NKX2-1: variants seen among roughly 807,000 people sequenced by gnomAD.
The protein encoded by NKX2-1 is homeobox protein Nkx-2.1.
Under a neutral mutation model 35.1 loss-of-function variants are expected in NKX2-1, and 9 were observed. That is an observed-to-expected ratio of 0.26 (90% CI 0.15 to 0.45). NKX2-1 has a LOEUF of 0.45. Among genes scored for constraint, NKX2-1 ranks in the 20% least tolerant of loss-of-function variants. The pLI is 1.00. For synonymous variants in NKX2-1, 284 were observed against 269.9 expected (o/e 1.05, Z -0.51); for missense variants, 509 against 589.1 (o/e 0.86, Z 1.41).
At chr14:36,518,764 A>G (rs543154984) in intron 2 of NKX2-1, among the ~76,000 whole-genome samples, 1 of 152,198 alleles carries the variant, frequency 6.6e-6, no homozygotes, top group East Asian at 1.9e-4. Context: ...GAGTACCCGC[A>G]TCTGACCGCA....
rs1432909589 is a variant in NKX2-1 at position 36,517,048 on chromosome 14, G to A, written c.*230C>T. The A allele has an allele frequency of 2.4e-6, 2 of 838,732 alleles. No individual in the cohort carries two copies. The highest frequency in any genetic ancestry group is 3.3e-5 in the Admixed American group (1 of 30,014). 52.0% of individuals were successfully genotyped at this position (838,732 alleles called of 1,614,324 possible). A position where few individuals can be genotyped will look rare whatever the true frequency, so the allele number is the denominator to read the frequency against. Reference sequence around the variant, plus strand: ...TCCTTGAGATTGGATGCGCTTGGTTGTTTTTCATTTTCTTTTTTTAAAAAA... The same window carrying A: ...TCCTTGAGATTGGATGCGCTTGGTTATTTTTCATTTTCTTTTTTTAAAAAA... On this transcript the variant is annotated 3_prime_UTR_variant, in exon 3 of 3. Coordinates refer to ENST00000354822, the MANE Select transcript of NKX2-1 (RefSeq NM_001079668.3).
Position 36,519,125 on chromosome 14 carries a change from A to G in NKX2-1, c.323T>C (p.Leu108Pro), listed in dbSNP as rs2139411918. Residue 108 changes from leucine to proline, a missense_variant, in exon 2 of 3, where the codon CTC becomes CCC. This residue lies in a region of NKX2-1 where 271 missense variants were observed against 284.1 expected (regional missense o/e 0.95). Coordinates refer to ENST00000354822, the MANE Select transcript of NKX2-1 (RefSeq NM_001079668.3). ...YHMTAAGVPQ[L>P]SHSAVGGYCN... ...GTAGCCCCCCACGGCGGAGTGCGAG[A>G]GCTGGGGCACCCCCGCCGCCGTCAT... The G allele has an allele frequency of 6.2e-7, 1 of 1,606,466 alleles. No homozygotes were observed. Among genetic ancestry groups the G allele is most frequent in the South Asian group, 1.1e-5 (1 of 90,898 alleles).
At position 36,517,531 on chromosome 14, in the gene NKX2-1, T is replaced by C; in HGVS notation, c.953A>G (p.Gln318Arg). 1 of 1,418,580 alleles carries C rather than the reference T, an allele frequency of 7.0e-7. No homozygotes were observed. The highest frequency in any genetic ancestry group is 9.1e-7 in the Non-Finnish European group (1 of 1,094,382). The allele number at this position is 1,418,580 out of a possible 1,614,324, so 87.9% of individuals were successfully genotyped here. A position where few individuals can be genotyped will look rare whatever the true frequency, so the allele number is the denominator to read the frequency against. ...GAASLQGHAQ[Q>R]QAQHQAQAAQ... ...GGCCTGCGCCTGGTGCTGCGCCTGC[T>C]GCTGCGCGTGGCCTTGTAGGCTGGC... Residue 318 changes from glutamine to arginine, a missense_variant, in exon 3 of 3, where the codon CAG (glutamine) becomes CGG (arginine). By Grantham distance (43) the Gln-to-Arg change is conservative. Transcript: ENST00000354822.
rs1356920762 is a variant in NKX2-1, at chr14:36,517,121, G to T, written c.*157C>A. 52 of 1,319,198 alleles carry T rather than the reference G, an allele frequency of 3.9e-5. 1 individual carries two copies. The South Asian group carries it at 7.5e-4, about 19-fold the overall frequency. 81.7% of individuals were successfully genotyped at this position (1,319,198 alleles called of 1,614,324 possible). ...GGGAAAAAAAGAAAGACGTCCAGCA[G>T]TTTGGCCTTTGTGGTTTTTTTGTTC... On this transcript the variant is annotated 3_prime_UTR_variant, in exon 3 of 3. Transcript: ENST00000354822.
rs1064796655 is a variant in NKX2-1, at chr14:36,517,508, CCTGCGCCTGGTG to C, written c.964_975del (p.His322_Gln325del). ...ATGGCCGCTGCCGCCGCCTGCGCGG[CCTGCGCCTGGTG>C]CTGCGCCTGCTGCTGCGCGTGGCCT... On this transcript the variant is annotated inframe_deletion, in exon 3 of 3. Coordinates refer to ENST00000354822, the MANE Select transcript of NKX2-1 (RefSeq NM_001079668.3). The C allele has an allele frequency of 8.8e-6, 12 of 1,361,216 alleles. No homozygotes were observed. Among genetic ancestry groups the C allele is most frequent in the Middle Eastern group, 2.7e-4 (1 of 3,688 alleles). The allele number at this position is 1,361,216 out of a possible 1,614,324, so 84.3% of individuals were successfully genotyped here.
At position 36,517,092 on chromosome 14, in the gene NKX2-1, G is replaced by GGGT. The variant is rs1881056740; in HGVS notation, c.*185_*186insACC. The stretch of plus-strand genomic sequence containing the variant: ...TAAAAAAAAAAACCCACAAATTTTA[G>GGGT]GGGGGGAAAAAAAGAAAGACGTCCA... On this transcript the variant is annotated 3_prime_UTR_variant, in exon 3 of 3. Transcript: ENST00000354822. 9.6e-7 allele frequency: 1 copy of GGGT among 1,039,472 alleles called. No homozygotes were observed. Among genetic ancestry groups the GGGT allele is most frequent in the Non-Finnish European group, 1.3e-6 (1 of 783,052 alleles). 64.4% of individuals were successfully genotyped at this position (1,039,472 alleles called of 1,614,324 possible).
At chr14:36,519,713 T>C in intron 1 of NKX2-1, 1 of 1,505,808 alleles carries the variant, frequency 6.6e-7, no homozygotes, top group Non-Finnish European at 8.9e-7. Flanking sequence ...GTCAGGATTT[T>C]TAGGTCTCAA....
Position 36,517,292 on chromosome 14 carries a change from C to T in NKX2-1, c.1192G>A (p.Gly398Ser), listed in dbSNP as rs1471733047. Residue 398 changes from glycine to serine, a missense_variant, in exon 3 of 3, where the codon GGT (glycine) becomes AGT (serine). Transcript: ENST00000354822. Reference protein sequence around the residue: ...GTMSCSTLLYGRTW With the variant: ...GTMSCSTLLYSRTW ...CCGGCGTCCTCTCACCAGGTCCGAC[C>T]GTATAGCAAGGTGGAGCAGGACATG... 1 of 1,609,398 alleles carries T rather than the reference C, an allele frequency of 6.2e-7. No homozygotes were observed. Among genetic ancestry groups the T allele is most frequent in the Non-Finnish European group, 8.5e-7 (1 of 1,178,956 alleles).
At position 36,519,367 on chromosome 14, in the gene NKX2-1, G is replaced by A; in HGVS notation, c.81C>T (p.Arg27=). 6.2e-7 allele frequency: 1 copy of A among 1,613,016 alleles called. No homozygotes were observed. Among genetic ancestry groups the A allele is most frequent in the Non-Finnish European group, 8.5e-7 (1 of 1,180,020 alleles). ...GGRSSPGRLS[R]RRIMSMSPKH... Reference sequence around the variant, plus strand: ...TTGGACTCATCGACATGATTCGGCGGCGGCTGGAGGAGGAAGGAAGAGGAG... The same window carrying A: ...TTGGACTCATCGACATGATTCGGCGACGGCTGGAGGAGGAAGGAAGAGGAG... The change falls in exon 2 of 3, where the codon CGC becomes CGT. Residue 27 remains arginine, a synonymous_variant. Coordinates refer to ENST00000354822, the MANE Select transcript of NKX2-1 (RefSeq NM_001079668.3).
Position 36,517,105 on chromosome 14 carries a change from A to T in NKX2-1, c.*173T>A. 1.7e-6 allele frequency: 2 copies of T among 1,198,930 alleles called. No individual in the cohort carries two copies. The highest frequency in any genetic ancestry group is 1.6e-5 in the African/African-American group (1 of 63,836). The allele number at this position is 1,198,930 out of a possible 1,614,324, so 74.3% of individuals were successfully genotyped here. Reference sequence around the variant, plus strand: ...CCACAAATTTTAGGGGGGGAAAAAAAGAAAGACGTCCAGCAGTTTGGCCTT... The same window carrying T: ...CCACAAATTTTAGGGGGGGAAAAAATGAAAGACGTCCAGCAGTTTGGCCTT... On this transcript the variant is annotated 3_prime_UTR_variant, in exon 3 of 3. Coordinates refer to ENST00000354822, the MANE Select transcript of NKX2-1 (RefSeq NM_001079668.3).
In NKX2-1 at chr14:36,520,063, C is replaced by T. The variant is rs773410433; in HGVS notation, c.67G>A (p.Gly23Ser). The T allele has an allele frequency of 5.6e-6, 9 of 1,612,898 alleles. No homozygotes were observed. Among genetic ancestry groups the T allele is most frequent in the South Asian group, 1.1e-5 (1 of 91,042 alleles). Residue 23 changes from glycine to serine, a missense_variant, in exon 1 of 3, where the codon GGC becomes AGC. By Grantham distance (56) the Gly-to-Ser change is moderately conservative. Around this residue, in one of 5 missense-constraint regions of NKX2-1, gnomAD observed 271 missense variants for 284.1 expected, o/e 0.95. Coordinates refer to ENST00000354822, the MANE Select transcript of NKX2-1 (RefSeq NM_001079668.3). The part of the protein sequence containing the change: ...EAAAGGRSSP[G>S]RLSRRRIMSM... Reference sequence around the variant, plus strand: ...GGGTGGGGGTTTCACCTGAGCCTGCCGGGGCTGCTCCTCCCTCCCGCCGCG... The same window carrying T: ...GGGTGGGGGTTTCACCTGAGCCTGCTGGGGCTGCTCCTCCCTCCCGCCGCG...
Position 36,520,122 on chromosome 14 carries a change from G to T in NKX2-1, c.8C>A (p.Ser3Tyr), listed in dbSNP as rs749986225. 1.2e-6 allele frequency: 2 copies of T among 1,613,082 alleles called. No homozygotes were observed. Among genetic ancestry groups the T allele is most frequent in the South Asian group, 2.2e-5 (2 of 91,060 alleles). The change falls in exon 1 of 3, where the codon TCC becomes TAC. Residue 3 changes from serine (S) to tyrosine (Y), a missense_variant. Physicochemically the swap from Ser to Tyr is moderately radical, Grantham distance 144. Coordinates refer to ENST00000354822, the MANE Select transcript of NKX2-1 (RefSeq NM_001079668.3). The stretch of plus-strand genomic sequence containing the variant: ...GCCCCGCGCCTTCCCACTGCCTCCG[G>T]ACCACATCGGGCTTCGCTGCGCTGA... Reference protein sequence around the residue: MWSGGSGKARGWE... With the variant: MWYGGSGKARGWE...
rs1440809036 is a variant in NKX2-1, at chr14:36,517,053, T to A, written c.*225A>T. The A allele has an allele frequency of 1.1e-6, 1 of 882,198 alleles. No individual in the cohort carries two copies. The highest frequency in any genetic ancestry group is 1.6e-6 in the Non-Finnish European group (1 of 609,590). The allele number at this position is 882,198 out of a possible 1,614,324, so 54.6% of individuals were successfully genotyped here. A position where few individuals can be genotyped will look rare whatever the true frequency, so the allele number is the denominator to read the frequency against. Reference sequence around the variant, plus strand: ...GAGATTGGATGCGCTTGGTTGTTTTTCATTTTCTTTTTTTAAAAAAAAAAA... The same window carrying A: ...GAGATTGGATGCGCTTGGTTGTTTTACATTTTCTTTTTTTAAAAAAAAAAA... On this transcript the variant is annotated 3_prime_UTR_variant, in exon 3 of 3. Transcript: ENST00000354822.
At chr14:36,519,924 A>G (rs892349915) in intron 1 of NKX2-1, 129 bp downstream of exon 1, 65 of 1,380,274 alleles carry the variant, frequency 4.7e-5, no homozygotes, top group Non-Finnish European at 5.8e-5. Context: ...AGAGGAAGGA[A>G]GGTGAATGCT....
rs901575389 is a variant in NKX2-1, at chr14:36,517,611, C to T, written c.873G>A (p.Pro291=). The T allele has an allele frequency of 3.9e-6, 6 of 1,532,638 alleles. No homozygotes were observed. Among genetic ancestry groups the T allele is most frequent in the Admixed American group, 4.0e-5 (2 of 50,246 alleles). 94.9% of individuals were successfully genotyped at this position (1,532,638 alleles called of 1,614,324 possible). The stretch of plus-strand genomic sequence containing the variant: ...ACGGTTTGCCGTCTTTCACCAGGAC[C>T]GGCACCGCCACGCGTCGCGGCGACT... ...QQQSPRRVAV[P]VLVKDGKPCQ... Residue 291 remains proline, a synonymous_variant, in exon 3 of 3, where the codon CCG becomes CCA. Coordinates refer to ENST00000354822, the MANE Select transcript of NKX2-1 (RefSeq NM_001079668.3).
chr14:36,520,168 A>G lies in NKX2-1; in HGVS notation c.-39T>C, dbSNP rs764586138. On this transcript the variant is annotated 5_prime_UTR_variant, in exon 1 of 3. Coordinates refer to ENST00000354822, the MANE Select transcript of NKX2-1 (RefSeq NM_001079668.3). Reference sequence around the variant, plus strand: ...GCTGAGCCCCAGTCGCCAACAAATGAGCGAGCGAGTCTGGGGACGAACCCT... The same window carrying G: ...GCTGAGCCCCAGTCGCCAACAAATGGGCGAGCGAGTCTGGGGACGAACCCT... 2 of 1,609,894 alleles carry G rather than the reference A, an allele frequency of 1.2e-6. No homozygotes were observed. The highest frequency in any genetic ancestry group is 2.2e-5 in the South Asian group (2 of 90,576).
chr14:36,518,028 C>A lies in NKX2-1; in HGVS notation c.464-8G>T, dbSNP rs747060199. The A allele has an allele frequency of 6.3e-7, 1 of 1,597,674 alleles. No individual in the cohort carries two copies. The highest frequency in any genetic ancestry group is 8.5e-7 in the Non-Finnish European group (1 of 1,179,598). On this transcript the variant is annotated splice_polypyrimidine_tract_variant and splice_region_variant and intron_variant, in intron 2 of 2. Transcript: ENST00000354822. The stretch of plus-strand genomic sequence containing the variant: ...GGCCCATGAAGCGGGAGACTGTAAG[C>A]GACAAACGCACAGCGTCGGCCGGGG...
Position 36,518,985 on chromosome 14 carries a change from T to C in NKX2-1, c.463A>G (p.Ile155Val). 1 of 1,551,716 alleles carries C rather than the reference T, an allele frequency of 6.4e-7. No homozygotes were observed. Residue 155 changes from isoleucine (I) to valine (V), a missense_variant and splice_region_variant, in exon 2 of 3, where the codon ATC becomes GTC. By Grantham distance (29) the Ile-to-Val change is conservative. Coordinates refer to ENST00000354822, the MANE Select transcript of NKX2-1 (RefSeq NM_001079668.3). ...GANPDPRFPA[I>V]SRFMGPASGM... ...CCCGCAGTGGGGCGGCCTCACTTAC[T>C]GGCGGGGAAGCGCGGGTCTGGGTTG...
In NKX2-1 at chr14:36,517,925, G is replaced by A; in HGVS notation, c.559C>T (p.Pro187Ser). ...CGGCGCTTCCTGCGCGGCGCGCTTG[G>A]CAGCGGGGCCATGTTCTTGCTCACG... ...GDVSKNMAPL[P>S]SAPRRKRRVL... The change falls in exon 3 of 3, where the codon CCA becomes TCA. Residue 187 changes from proline to serine, a missense_variant. Physicochemically the swap from Pro to Ser is moderately conservative, Grantham distance 74. This residue lies in a region of NKX2-1 where 271 missense variants were observed against 284.1 expected (regional missense o/e 0.95). Coordinates refer to ENST00000354822, the MANE Select transcript of NKX2-1 (RefSeq NM_001079668.3). 1.9e-6 allele frequency: 3 copies of A among 1,606,720 alleles called. No homozygotes were observed. The highest frequency in any genetic ancestry group is 1.7e-5 in the Admixed American group (1 of 59,954).
Sources: gnomAD v4.1 joint callset for allele counts (sites outside exome capture counted in the v4.1 genomes callset) on GRCh38, gnomAD v4.1.1 for gene constraint, gnomAD v4.1.1 regional missense constraint, MANE v1.5 for transcripts, NCBI Gene and HGNC (gene_info 2026-07-23, HGNC 2026-07-21) for gene names.